The following SP2 variants were observed in gnomAD, a reference collection of about 807,000 sequenced individuals.
SP2 encodes the protein transcription factor Sp2.
In SP2, 9 loss-of-function variants were observed where a neutral mutation model predicts 50.1. The ratio of observed to expected loss-of-function variants is 0.18; its 90% confidence interval spans 0.11 to 0.31. SP2 has a LOEUF of 0.31. Ranked by LOEUF, SP2 falls within the 10% of genes least tolerant of loss-of-function variation. The probability of loss-of-function intolerance (pLI) is 1.00; values close to 1 mark genes in which losing one functional copy is unlikely to be tolerated. For synonymous variants in SP2, 313 were observed against 326.6 expected (o/e 0.96, Z 0.45); for missense variants, 581 against 806.5 (o/e 0.72, Z 3.39).
At position 47,928,624 on chromosome 17, in the gene SP2, T is replaced by G. The variant is rs1355794680; in HGVS notation, c.*800T>G. ...AAATGACACAGCATTTAAACTCAAA[T>G]CTGGATTCAGATAACAGCACCTGCA... On this transcript the variant is annotated 3_prime_UTR_variant, in exon 7 of 7. Transcript: ENST00000376741. The G allele has an allele frequency of 1.3e-5, 2 of 152,640 alleles. No homozygotes were observed. Among genetic ancestry groups the G allele is most frequent in the Non-Finnish European group, 2.9e-5 (2 of 68,064 alleles). The allele number at this position is 152,640 out of a possible 1,614,324, so 9.5% of individuals were successfully genotyped here.
intron 6 of SP2, among the ~76,000 whole-genome samples, chr17:47,926,195 G>T (rs781641097): frequency 1.7e-4 from 26 of 151,818 alleles, no homozygotes; most frequent in Non-Finnish European, 1.5e-4. Context: ...AGGAATAGAG[G>T]CGTGAGCCAC....
At chr17:47,926,279 G>A (rs974595785) in intron 6 of SP2, among the ~76,000 whole-genome samples, 2 of 151,198 alleles carry the variant, frequency 1.3e-5, no homozygotes, top group African/African-American at 2.4e-5. Flanking sequence ...TGACTGGTGC[G>A]GCCAGGTTCA....
At chr17:47,922,706 A>C (rs1337519433) in intron 3 of SP2, among the ~76,000 whole-genome samples, 1 of 152,108 alleles carries the variant, frequency 6.6e-6, no homozygotes, top group Non-Finnish European at 1.5e-5. Flanking sequence ...TCCAATTCTG[A>C]TTCTTGGCAA....
At chr17:47,910,025 T>C (rs1421689652) in intron 1 of SP2, among the ~76,000 whole-genome samples, 1 of 152,142 alleles carries the variant, frequency 6.6e-6, no homozygotes, top group Non-Finnish European at 1.5e-5. Context: ...TTTTTTTGTA[T>C]TTTTAGTAGA....
intron 1 of SP2, among the ~76,000 whole-genome samples, chr17:47,912,340 G>A (rs2035024468): frequency 6.6e-6 from 1 of 152,074 alleles, no homozygotes; most frequent in Non-Finnish European, 1.5e-5. Flanking sequence ...CCCCTCCTCT[G>A]GAGTATAGTT....
intron 1 of SP2, among the ~76,000 whole-genome samples, chr17:47,910,925 A>C (rs1396073176): frequency 1.3e-5 from 2 of 152,180 alleles, no homozygotes; most frequent in Admixed American, 1.3e-4. Flanking sequence ...GTATATGTTC[A>C]TTTTTAAAAA....
intron 1 of SP2, among the ~76,000 whole-genome samples, chr17:47,911,123 G>T (rs1358203356): frequency 6.6e-6 from 1 of 152,186 alleles, no homozygotes; most frequent in East Asian, 1.9e-4. Flanking sequence ...CTACTTGGGG[G>T]GCTGAGGTGG....
At chr17:47,899,094 G>A (rs1451206125) in intron 1 of SP2, 5 of 152,162 alleles carry the variant, frequency 3.3e-5, no homozygotes, top group African/African-American at 9.7e-5. Context: ...CTTGTATGAC[G>A]TTGTCTAGAC....
chr17:47,917,341 C>A (rs1452216728), intron 3 of SP2, among the ~76,000 whole-genome samples: 1 of 152,088 alleles, frequency 6.6e-6, no homozygotes. Flanking sequence ...ATTGATGAAA[C>A]ATAGGGATAT....
intron 1 of SP2, among the ~76,000 whole-genome samples, chr17:47,911,321 C>G (rs1019830579): frequency 6.6e-6 from 1 of 151,740 alleles, no homozygotes; most frequent in African/African-American, 2.4e-5. Context: ...GTGGGTGGAT[C>G]ACTTGAGGTC....
In SP2 at chr17:47,896,310, G is replaced by C; in HGVS notation, c.7+17G>C. The C allele has an allele frequency of 8.1e-7, 1 of 1,237,226 alleles. No homozygotes were observed. The highest frequency in any genetic ancestry group is 3.2e-5 in the East Asian group (1 of 31,658). The allele number at this position is 1,237,226 out of a possible 1,614,324, so 76.6% of individuals were successfully genotyped here. A position where few individuals can be genotyped will look rare whatever the true frequency, so the allele number is the denominator to read the frequency against. ...TAATGAGCGGTGGGTCCCGGCCGCT[G>C]CCGGCGGGGTCTTCCCGGCCCCCAA... On this transcript the variant is annotated intron_variant, in intron 1 of 6. Coordinates refer to ENST00000376741, the MANE Select transcript of SP2 (RefSeq NM_003110.6).
At chr17:47,912,430 T>C in intron 1 of SP2, among the ~76,000 whole-genome samples, 1 of 151,718 alleles carries the variant, frequency 6.6e-6, no homozygotes, top group East Asian at 1.9e-4. Flanking sequence ...AGGGCTTCAG[T>C]TTCCACTTCA....
chr17:47,928,006 T>C lies in SP2; in HGVS notation c.*182T>C, dbSNP rs920179099. 3.4e-6 allele frequency: 2 copies of C among 589,888 alleles called. No homozygotes were observed. The highest frequency in any genetic ancestry group is 6.1e-6 in the Non-Finnish European group (2 of 328,414). 36.5% of individuals were successfully genotyped at this position (589,888 alleles called of 1,614,324 possible). On this transcript the variant is annotated 3_prime_UTR_variant, in exon 7 of 7. Transcript: ENST00000376741. ...TGTCCTCCTTCTGAAGCCCCTTGGC[T>C]CTGCCTTGGCCCTTCCCCTCACCAC...
At position 47,916,261 on chromosome 17, in the gene SP2, C is replaced by T; in HGVS notation, c.190C>T (p.Pro64Ser). ...VTPPAPPQPT[P>S]RKLVPIKPAP... Reference sequence around the variant, plus strand: ...ACCTCCTGCTCCCCCACAGCCCACACCGCGGAAACTTGTCCCTATCAAACC... The same window carrying T: ...ACCTCCTGCTCCCCCACAGCCCACATCGCGGAAACTTGTCCCTATCAAACC... Residue 64 changes from proline (P) to serine (S), a missense_variant, in exon 3 of 7, where the codon CCG (proline) becomes TCG (serine). By Grantham distance (74) the Pro-to-Ser change is moderately conservative (BLOSUM62 -1). Transcript: ENST00000376741. This position sits in a 1 kb window ranked among gnomAD's most constrained non-coding sequence, Gnocchi z 4.7. 1 of 1,614,144 alleles carries T rather than the reference C, an allele frequency of 6.2e-7. No homozygotes were observed. Among genetic ancestry groups the T allele is most frequent in the Non-Finnish European group, 8.5e-7 (1 of 1,180,026 alleles).
In SP2 at chr17:47,923,349, C is replaced by T. The variant is rs765227971; in HGVS notation, c.1372+75C>T. 284 of 1,280,538 alleles carry T rather than the reference C, an allele frequency of 2.2e-4. 1 individual carries two copies. The highest frequency in any genetic ancestry group is 2.1e-3 in the East Asian group (86 of 40,084). The allele number at this position is 1,280,538 out of a possible 1,614,324, so 79.3% of individuals were successfully genotyped here. ...GCAGGTGGAAACTATGGGCTGGCCC[C>T]GGGATTTCCAGTAACAATAGTGAGG... is the stretch of plus-strand genomic sequence containing the variant. On this transcript the variant is annotated intron_variant, in intron 4 of 6. Transcript: ENST00000376741.
downstream of SP2, chr17:47,929,784 C>T (rs147379249): frequency 9.1e-4 from 139 of 152,808 alleles, no homozygotes; most frequent in African/African-American, 3.0e-3. Context: ...GCAAGTCCGC[C>T]TCAAGCATGT....
chr17:47,901,499 A>T (rs2034541971), intron 1 of SP2, among the ~76,000 whole-genome samples: 1 of 152,082 alleles, frequency 6.6e-6, no homozygotes, highest in African/African-American at 2.4e-5. Flanking sequence ...TCGCTCTGTC[A>T]CCAGGCTGGA....
At chr17:47,908,853 C>T (rs2034867486) in intron 1 of SP2, among the ~76,000 whole-genome samples, 1 of 152,168 alleles carries the variant, frequency 6.6e-6, no homozygotes, top group Non-Finnish European at 1.5e-5. Context: ...CCGCGCCCGG[C>T]CATGAATAAA....
chr17:47,903,574 G>A (rs2034630292), intron 1 of SP2, among the ~76,000 whole-genome samples: 2 of 152,176 alleles, frequency 1.3e-5, no homozygotes, highest in South Asian at 2.1e-4. Flanking sequence ...GGCTGAGGCA[G>A]CAGAATCACT....
Sources: allele counts gnomAD v4.1 joint callset (sites outside exome capture counted in the v4.1 genomes callset), GRCh38; gene constraint gnomAD v4.1.1; non-coding constraint Gnocchi (gnomAD v3.1); transcripts MANE v1.5; gene names NCBI Gene and HGNC (gene_info 2026-07-23, HGNC 2026-07-21).